The following AK7 variants were observed in gnomAD, a reference collection of about 807,000 sequenced individuals.
AK7 encodes ATP-AMP transphosphorylase 7.
AK7 carries 78 observed loss-of-function variants against 96.6 expected under a neutral mutation model. The observed-to-expected ratio is 0.81, with a 90% CI of 0.67 to 0.97. The LOEUF (loss-of-function observed/expected upper bound fraction) is 0.97. AK7 is among the 50% of genes least tolerant of loss of function. The pLI is 0.00. For missense variants in AK7, 855 were observed against 887.9 expected, an observed-to-expected ratio of 0.96 and a Z score of 0.47; for synonymous variants, 302 against 317.2, an observed-to-expected ratio of 0.95 and a Z score of 0.51.
intron 2 of AK7, among the ~76,000 whole-genome samples, chr14:96,401,592 A>G (rs1259994185): frequency 1.3e-5 from 2 of 152,216 alleles, no homozygotes; most frequent in Non-Finnish European, 2.9e-5. Flanking sequence ...CAGGGAAGAC[A>G]CAAAGGTGGC....
intron 4 of AK7, among the ~76,000 whole-genome samples, chr14:96,419,784 CTTTTCTTTTT>C (rs1475946615): frequency 4.9e-5 from 5 of 101,714 alleles, no homozygotes; most frequent in African/African-American, 9.5e-5. Flanking sequence ...TTTTTTCTTT[CTTTTCTTTTT>C]TTTTTTTTTT....
intron 4 of AK7, among the ~76,000 whole-genome samples, chr14:96,412,502 A>G (rs1379519646): frequency 2.0e-5 from 3 of 150,668 alleles, no homozygotes; most frequent in Admixed American, 2.0e-4. Context: ...TGCTGGGGTT[A>G]CAGACACGAG....
chr14:96,461,405 G>T (rs1047280166), intron 12 of AK7, among the ~76,000 whole-genome samples: 2 of 152,164 alleles, frequency 1.3e-5, no homozygotes, highest in African/African-American at 2.4e-5. Context: ...TCACATTGAG[G>T]GGTGTGGGAC....
At chr14:96,473,588 T>G (rs866679588) in intron 14 of AK7, among the ~76,000 whole-genome samples, 14 of 152,166 alleles carry the variant, frequency 9.2e-5, no homozygotes, top group Non-Finnish European at 1.9e-4. Flanking sequence ...TAGGATTTTT[T>G]TTTTTAGGAA....
chr14:96,417,913 T>C (rs1891436616), intron 4 of AK7, among the ~76,000 whole-genome samples: 1 of 152,122 alleles, frequency 6.6e-6, no homozygotes, highest in African/African-American at 2.4e-5. Flanking sequence ...AAGAAAGAAA[T>C]ACATGTATTG....
At chr14:96,451,617 A>G (rs776917841) in intron 10 of AK7, 47 bp downstream of exon 10, 3 of 1,388,736 alleles carry the variant, frequency 2.2e-6, no homozygotes, top group Non-Finnish European at 2.8e-6. Flanking sequence ...AAGCAAAATG[A>G]ATCAAACTTC....
rs367772988 is a variant in AK7 at position 96,448,207 on chromosome 14, G to A, written c.871-1595G>A. On this transcript the variant is annotated intron_variant, in intron 8 of 17. Coordinates refer to ENST00000267584, the MANE Select transcript of AK7 (RefSeq NM_152327.5). ...CCTGCCTCATTCCCACCTCCTGCAC[G>A]CGACAGGTGTCTCTCTTCATCCCAG... 1.1e-3 allele frequency among the ~76,000 whole-genome samples: 169 copies of A among 151,700 alleles called. 1 individual carries two copies. Among genetic ancestry groups the A allele is most frequent in the Admixed American group, 2.7e-3 (41 of 15,232 alleles).
At chr14:96,450,204 G>T (rs1159511716) in intron 9 of AK7, among the ~76,000 whole-genome samples, 1 of 152,048 alleles carries the variant, frequency 6.6e-6, no homozygotes, top group Non-Finnish European at 1.5e-5. Context: ...ACCACCTGAG[G>T]TCAGGAGTTT....
At chr14:96,455,640 G>A (rs1032526425) in intron 10 of AK7, among the ~76,000 whole-genome samples, 2 of 152,170 alleles carry the variant, frequency 1.3e-5, no homozygotes, top group African/African-American at 4.8e-5. Context: ...ACTGTGCACT[G>A]TCTTGTGAAA....
At position 96,404,868 on chromosome 14, in the gene AK7, C is replaced by A; in HGVS notation, c.403+3C>A. The A allele has an allele frequency of 1.9e-6, 3 of 1,597,230 alleles. No homozygotes were observed. The South Asian group carries it at 3.3e-5, about 18-fold the overall frequency. On this transcript the variant is annotated splice_donor_region_variant and intron_variant, in intron 3 of 17. Coordinates refer to ENST00000267584, the MANE Select transcript of AK7 (RefSeq NM_152327.5). ...GGAAGCCATCTGGGCAGTCTCTGGT[C>A]AGTGAGGTGTACTCTTTTATCTCCA... is the stretch of plus-strand genomic sequence containing the variant.
chr14:96,407,897 T>C (rs1890816284), intron 3 of AK7, among the ~76,000 whole-genome samples: 2 of 152,058 alleles, frequency 1.3e-5, no homozygotes, highest in African/African-American at 4.8e-5. Context: ...TCTTGAAAAT[T>C]ATACATCATG....
chr14:96,395,507 C>T (rs1265558580), intron 1 of AK7, among the ~76,000 whole-genome samples: 1 of 151,658 alleles, frequency 6.6e-6, no homozygotes, highest in Non-Finnish European at 1.5e-5. Flanking sequence ...CAAGGGTCAC[C>T]TGTACAAAAA....
At chr14:96,426,542 G>A (rs1453990364) in intron 5 of AK7, among the ~76,000 whole-genome samples, 2 of 152,102 alleles carry the variant, frequency 1.3e-5, no homozygotes, top group African/African-American at 2.4e-5. Context: ...GTTCATTAAT[G>A]TCTTTTTCTT....
At chr14:96,435,450 A>G (rs1892583779) in intron 5 of AK7, among the ~76,000 whole-genome samples, 1 of 152,078 alleles carries the variant, frequency 6.6e-6, no homozygotes, top group Non-Finnish European at 1.5e-5. Flanking sequence ...CTGCTCCTCA[A>G]GCAGAAGGAA....
intron 7 of AK7, among the ~76,000 whole-genome samples, chr14:96,445,929 C>T (rs1389599576): frequency 6.6e-6 from 1 of 152,178 alleles, no homozygotes; most frequent in Non-Finnish European, 1.5e-5. Flanking sequence ...GGAGCAGCAC[C>T]TACATGCTAG....
intron 3 of AK7, among the ~76,000 whole-genome samples, chr14:96,405,938 C>A (rs1890685363): frequency 6.6e-6 from 1 of 152,112 alleles, no homozygotes; most frequent in Non-Finnish European, 1.5e-5. Context: ...AGATCTTGCT[C>A]TGTCATCTTG....
intron 4 of AK7, among the ~76,000 whole-genome samples, chr14:96,410,502 T>C (rs921768504): frequency 1.3e-5 from 2 of 152,214 alleles, no homozygotes; most frequent in Admixed American, 1.3e-4. Context: ...TGGTTTCTTT[T>C]CTGCTCTGAG....
intron 4 of AK7, among the ~76,000 whole-genome samples, chr14:96,414,762 T>C (rs1891232348): frequency 6.9e-6 from 1 of 144,390 alleles, no homozygotes; most frequent in Admixed American, 6.9e-5. Context: ...TCCTTCTTTT[T>C]TTTTTTTTTT....
chr14:96,465,836 C>A (rs1436559627), intron 12 of AK7, among the ~76,000 whole-genome samples: 1 of 151,768 alleles, frequency 6.6e-6, no homozygotes, highest in Non-Finnish European at 1.5e-5. Flanking sequence ...ATGGTGAAAC[C>A]CTGTCTCTAC....
Sources: gnomAD v4.1 joint callset for allele counts (sites outside exome capture counted in the v4.1 genomes callset) on GRCh38, gnomAD v4.1.1 for gene constraint, MANE v1.5 for transcripts, NCBI Gene and HGNC (gene_info 2026-07-23, HGNC 2026-07-21) for gene names.